The following MSI2 variants were observed in gnomAD, a reference collection of about 807,000 sequenced individuals.
MSI2 encodes RNA-binding protein Musashi homolog 2.
A neutral mutation model predicts 45.6 loss-of-function variants in MSI2; 17 were observed. The ratio of observed to expected loss-of-function variants is 0.37; its 90% CI spans 0.26 to 0.56. The LOEUF (loss-of-function observed/expected upper bound fraction) is 0.56, where lower values mean the gene tolerates loss of function less well. Ranked by LOEUF, MSI2 falls within the 20% of genes least tolerant of loss-of-function variation. MSI2 has a pLI of 0.77. For synonymous variants in MSI2, 156 were observed against 158.2 expected (o/e 0.99, Z 0.11); for missense variants, 293 against 444.2 (o/e 0.66, Z 3.06).
intron 6 of MSI2, among the ~76,000 whole-genome samples, chr17:57,477,145 G>GGTGTGTGTGTGTGTGTGTGTGT (rs59127306): frequency 3.4e-5 from 4 of 118,654 alleles, no homozygotes; most frequent in Non-Finnish European, 6.8e-5. Context: ...CATAAGGCCT[G>GGTGTGTGTGTGTGTGTGTGTGT]GTGTGTGTGT....
chr17:57,381,303 C>T (rs7207713), intron 5 of MSI2, among the ~76,000 whole-genome samples: 150,168 of 152,256 alleles, frequency 0.99, 74,088 homozygotes, highest in Middle Eastern at 1. Context: ...TGGATTCAAG[C>T]GATCTGCCTG....
chr17:57,262,892 G>T (rs1359065841), intron 5 of MSI2, among the ~76,000 whole-genome samples: 3 of 152,200 alleles, frequency 2.0e-5, no homozygotes, highest in Non-Finnish European at 4.4e-5. Context: ...GTGTGGCTAT[G>T]AGAACACAGT....
chr17:57,304,197 A>C (rs1308975663), intron 5 of MSI2, among the ~76,000 whole-genome samples: 1 of 151,728 alleles, frequency 6.6e-6, no homozygotes, highest in Admixed American at 6.6e-5. Flanking sequence ...TCTCTACTAA[A>C]AATACAAAAA....
intron 5 of MSI2, among the ~76,000 whole-genome samples, chr17:57,396,685 G>A (rs540727800): frequency 6.6e-6 from 1 of 152,190 alleles, no homozygotes; most frequent in Non-Finnish European, 1.5e-5. Context: ...GAGCCAAGGG[G>A]TATGTGGAGA....
At chr17:57,601,112 A>T (rs1022115449) in intron 8 of MSI2, 4 of 152,216 alleles carry the variant, frequency 2.6e-5, no homozygotes. Flanking sequence ...ACCCTTTCCC[A>T]GTCAGCTATG....
At chr17:57,445,623 C>T (rs1194721201) in intron 6 of MSI2, among the ~76,000 whole-genome samples, 3 of 152,020 alleles carry the variant, frequency 2.0e-5, no homozygotes, top group Non-Finnish European at 2.9e-5. Flanking sequence ...TGCATACAAA[C>T]GTCTGTAATT....
chr17:57,416,462 G>A (rs1440900302), intron 6 of MSI2, among the ~76,000 whole-genome samples: 1 of 152,194 alleles, frequency 6.6e-6, no homozygotes, highest in African/African-American at 2.4e-5. Flanking sequence ...CCCTCCCATA[G>A]GAAGCAGCCG....
At chr17:57,484,371 G>A (rs555661209) in intron 6 of MSI2, among the ~76,000 whole-genome samples, 1 of 152,284 alleles carries the variant, frequency 6.6e-6, no homozygotes, top group South Asian at 2.1e-4. Flanking sequence ...TGATTTCCTG[G>A]ACGTTTCACC....
intron 8 of MSI2, among the ~76,000 whole-genome samples, chr17:57,602,589 A>C (rs1906023625): frequency 6.6e-6 from 1 of 152,126 alleles, no homozygotes; most frequent in Non-Finnish European, 1.5e-5. Context: ...TCCTGGTCTC[A>C]AGTGATCCCC....
chr17:57,489,962 A>G (rs1458443553), intron 6 of MSI2, among the ~76,000 whole-genome samples: 1 of 152,186 alleles, frequency 6.6e-6, no homozygotes, highest in African/African-American at 2.4e-5. Context: ...GTGATTGGAA[A>G]GTCCAGATGT....
At chr17:57,590,468 G>T (rs567769331) in intron 7 of MSI2, among the ~76,000 whole-genome samples, 140 of 152,270 alleles carry the variant, frequency 9.2e-4, no homozygotes, top group African/African-American at 3.3e-3. Context: ...TGAATATTTA[G>T]TTTTGTTCAT....
chr17:57,521,416 GA>G (rs58685316), intron 6 of MSI2, among the ~76,000 whole-genome samples: 48,596 of 151,770 alleles, frequency 0.32, 9,177 homozygotes, highest in African/African-American at 0.53. Context: ...GTGGTGATGG[GA>G]AAAAAAACAA....
chr17:57,516,384 T>C (rs1375536064), intron 6 of MSI2, among the ~76,000 whole-genome samples: 2 of 152,204 alleles, frequency 1.3e-5, no homozygotes, highest in African/African-American at 4.8e-5. Context: ...CTGTATTCCA[T>C]TGTAGGAATG....
At chr17:57,515,575 A>G (rs2086454500) in intron 6 of MSI2, among the ~76,000 whole-genome samples, 1 of 152,102 alleles carries the variant, frequency 6.6e-6, no homozygotes, top group African/African-American at 2.4e-5. Flanking sequence ...TTGGACGCTT[A>G]TTTTTGTATT....
intron 7 of MSI2, among the ~76,000 whole-genome samples, chr17:57,560,477 C>G (rs2087547953): frequency 6.6e-6 from 1 of 152,172 alleles, no homozygotes; most frequent in Non-Finnish European, 1.5e-5. Flanking sequence ...CTACTTCCTC[C>G]CACCACCCCC....
chr17:57,439,001 CA>C (rs1172100359), intron 6 of MSI2, among the ~76,000 whole-genome samples: 1 of 152,034 alleles, frequency 6.6e-6, no homozygotes, highest in African/African-American at 2.4e-5. Flanking sequence ...GGAGTTTCAC[CA>C]TGTTGGCCAG....
intron 6 of MSI2, among the ~76,000 whole-genome samples, chr17:57,466,632 A>C (rs1406009541): frequency 1.3e-5 from 2 of 152,206 alleles, no homozygotes; most frequent in Non-Finnish European, 2.9e-5. Flanking sequence ...TTTGCAGACT[A>C]GAAAGAGACT....
At chr17:57,520,838 T>A (rs949701291) in intron 6 of MSI2, among the ~76,000 whole-genome samples, 2 of 151,638 alleles carry the variant, frequency 1.3e-5, no homozygotes, top group African/African-American at 4.9e-5. Flanking sequence ...TTTTTTCTTG[T>A]ATTTTTAGTA....
chr17:57,438,266 G>A (rs1252567909), intron 6 of MSI2, among the ~76,000 whole-genome samples: 1 of 152,140 alleles, frequency 6.6e-6, no homozygotes, highest in African/African-American at 2.4e-5. Context: ...TGGGCCACCT[G>A]TTGCAAACAG....
Sources: gnomAD v4.1 joint callset for allele counts (sites outside exome capture counted in the v4.1 genomes callset) on GRCh38, gnomAD v4.1.1 for gene constraint, MANE v1.5 for transcripts, NCBI Gene and HGNC (gene_info 2026-07-23, HGNC 2026-07-21) for gene names.